Variants in CDH13 observed in about 807,000 individuals in gnomAD.
CDH13 encodes the protein cadherin-13.
A neutral mutation model predicts 63.8 loss-of-function variants in CDH13; 24 were observed. The observed-to-expected ratio is 0.38, with a 90% CI of 0.27 to 0.53. The LOEUF (loss-of-function observed/expected upper bound fraction) is 0.53. Among genes scored for constraint, CDH13 ranks in the 20% least tolerant of loss-of-function variants. The pLI is 0.85. For synonymous variants in CDH13, 503 were observed against 355.3 expected, an observed-to-expected ratio of 1.42 and a Z score of -4.67; for missense variants, 1,049 against 903.1, an observed-to-expected ratio of 1.16 and a Z score of -2.07.
At chr16:82,928,122 G>T (rs2042362281) in intron 2 of CDH13, among the ~76,000 whole-genome samples, 1 of 151,704 alleles carries the variant, frequency 6.6e-6, no homozygotes, top group South Asian at 2.1e-4. Context: ...GTACTATTTG[G>T]TCATTTTTCT....
intron 4 of CDH13, among the ~76,000 whole-genome samples, chr16:83,141,525 A>C (rs1415904326): frequency 6.6e-6 from 1 of 152,064 alleles, no homozygotes; most frequent in African/African-American, 2.4e-5. Context: ...TTTTACTTTA[A>C]GTTCTGGGAT....
At chr16:82,744,459 G>A (rs1256918358) in intron 1 of CDH13, among the ~76,000 whole-genome samples, 2 of 152,108 alleles carry the variant, frequency 1.3e-5, no homozygotes, top group South Asian at 2.1e-4. Flanking sequence ...AAAACCAGGA[G>A]AGGATTTTCT....
At chr16:83,035,997 T>G (rs754807010) in intron 3 of CDH13, among the ~76,000 whole-genome samples, 26 of 152,200 alleles carry the variant, frequency 1.7e-4, no homozygotes, top group African/African-American at 2.2e-4. Context: ...AAGCTGTTAC[T>G]GTTACTGGTG....
At chr16:82,744,295 T>C (rs1342524687) in intron 1 of CDH13, among the ~76,000 whole-genome samples, 4 of 152,208 alleles carry the variant, frequency 2.6e-5, no homozygotes, top group Non-Finnish European at 4.4e-5. Flanking sequence ...AAAAATGGTA[T>C]CTGCCTGGGC....
chr16:83,698,506 C>T (rs1361425402), intron 10 of CDH13, among the ~76,000 whole-genome samples: 3 of 152,204 alleles, frequency 2.0e-5, no homozygotes, highest in African/African-American at 7.2e-5. Context: ...CAAGACACTG[C>T]TTTCTTGGAA....
chr16:83,691,498 T>C (rs1333733687), intron 10 of CDH13, among the ~76,000 whole-genome samples: 1 of 152,104 alleles, frequency 6.6e-6, no homozygotes, highest in African/African-American at 2.4e-5. Flanking sequence ...CACTGCTTCC[T>C]GAGAATCCCC....
At chr16:83,625,888 G>A (rs1739137499) in intron 8 of CDH13, among the ~76,000 whole-genome samples, 1 of 152,222 alleles carries the variant, frequency 6.6e-6, no homozygotes, top group African/African-American at 2.4e-5. Context: ...GCAAGCAATA[G>A]TGTGATGTGA....
At chr16:82,926,623 C>G (rs537482961) in intron 2 of CDH13, among the ~76,000 whole-genome samples, 1 of 152,226 alleles carries the variant, frequency 6.6e-6, no homozygotes, top group African/African-American at 2.4e-5. Flanking sequence ...CAGAAGCTCA[C>G]AAGCTCTAGG....
chr16:83,084,810 C>T (rs2033478238), intron 3 of CDH13, among the ~76,000 whole-genome samples: 1 of 152,180 alleles, frequency 6.6e-6, no homozygotes, highest in African/African-American at 2.4e-5. Context: ...ATCCCTTGAA[C>T]CCAGGAGGCA....
chr16:83,061,059 G>A (rs969570022), intron 3 of CDH13, among the ~76,000 whole-genome samples: 1 of 152,124 alleles, frequency 6.6e-6, no homozygotes, highest in Non-Finnish European at 1.5e-5. Flanking sequence ...GAATAAATAC[G>A]GGGACTAAGG....
At chr16:83,087,042 A>G (rs2033636022) in intron 3 of CDH13, among the ~76,000 whole-genome samples, 1 of 152,232 alleles carries the variant, frequency 6.6e-6, no homozygotes, top group Non-Finnish European at 1.5e-5. Context: ...CTACCAAAGA[A>G]AATCCACAAG....
chr16:82,673,031 G>T, intron 1 of CDH13, among the ~76,000 whole-genome samples: 1 of 65,594 alleles, frequency 1.5e-5, no homozygotes. Flanking sequence ...TAGAGATGAT[G>T]GGGTCTTCCT....
intron 3 of CDH13, among the ~76,000 whole-genome samples, chr16:83,056,695 A>G (rs1194607812): frequency 6.6e-6 from 1 of 152,148 alleles, no homozygotes; most frequent in Non-Finnish European, 1.5e-5. Context: ...TCTCATCTTG[A>G]AGTGCAGCTC....
intron 4 of CDH13, among the ~76,000 whole-genome samples, chr16:83,182,694 G>C (rs2038384032): frequency 1.3e-5 from 2 of 152,190 alleles, no homozygotes; most frequent in Non-Finnish European, 2.9e-5. Flanking sequence ...TACTTTACTT[G>C]TATTTTCTCA....
intron 5 of CDH13, among the ~76,000 whole-genome samples, chr16:83,272,950 A>G (rs1270111546): frequency 6.6e-6 from 1 of 152,178 alleles, no homozygotes; most frequent in African/African-American, 2.4e-5. Context: ...AATTGTTAAT[A>G]TAGTACAGTG....
rs1295078835 is a variant in CDH13, at chr16:83,000,220, CTTATTTTTTTTTTTTTTTTTTTTTTT to C, written c.158-31787_158-31762del. Among the ~76,000 whole-genome samples the C allele has an allele frequency of 7.7e-4, 26 of 33,946 alleles. 1 individual carries two copies. Among genetic ancestry groups the C allele is most frequent in the African/African-American group, 2.7e-3 (26 of 9,650 alleles). 22.3% of individuals were successfully genotyped at this position (33,946 alleles called of 152,430 possible). On this transcript the variant is annotated intron_variant, in intron 2 of 13. Coordinates refer to ENST00000567109, the MANE Select transcript of CDH13 (RefSeq NM_001257.5). Reference sequence around the variant, plus strand: ...TCCCTAGGAATATCCACAGGTTTAGCTTATTTTTTTTTTTTTTTTTTTTTTTTTTTTTTTTTTTTTTTTTGAGACAG... The same window carrying C: ...TCCCTAGGAATATCCACAGGTTTAGCTTTTTTTTTTTTTTTTTTGAGACAG...
intron 1 of CDH13, among the ~76,000 whole-genome samples, chr16:82,793,181 G>A (rs1418553892): frequency 6.6e-6 from 1 of 152,248 alleles, no homozygotes; most frequent in Non-Finnish European, 1.5e-5. Flanking sequence ...ATCACCCAGT[G>A]AAGCCATTGT....
chr16:83,600,001 A>G (rs964802553), intron 7 of CDH13, among the ~76,000 whole-genome samples: 1 of 152,198 alleles, frequency 6.6e-6, no homozygotes, highest in Non-Finnish European at 1.5e-5. Context: ...CTCGTCAGTG[A>G]TGACAAGCAG....
At chr16:83,616,903 G>T (rs114700997) in intron 8 of CDH13, among the ~76,000 whole-genome samples, 291 of 152,262 alleles carry the variant, frequency 1.9e-3, no homozygotes, top group African/African-American at 6.7e-3. Context: ...CCAAGCTTTG[G>T]CATGTCTTTG....
Sources: gnomAD v4.1 joint callset for allele counts (sites outside exome capture counted in the v4.1 genomes callset) on GRCh38, gnomAD v4.1.1 for gene constraint, MANE v1.5 for transcripts, NCBI Gene and HGNC (gene_info 2026-07-23, HGNC 2026-07-21) for gene names.